Variants in PCDHGA10 observed in about 807,000 individuals in gnomAD.
PCDHGA10 encodes protocadherin gamma-A10.
A neutral mutation model predicts 59.5 loss-of-function variants in PCDHGA10; 42 were observed. The observed-to-expected ratio is 0.71, with a 90% CI of 0.55 to 0.91. The LOEUF is 0.91. PCDHGA10 is among the 40% of genes least tolerant of loss of function. The pLI is 0.00. For synonymous variants in PCDHGA10, 511 were observed against 517.2 expected (o/e 0.99, Z 0.16); for missense variants, 1,111 against 1,198.2 (o/e 0.93, Z 1.07).
intron 1 of PCDHGA10, chr5:141,440,130 A>G (rs1222064545): frequency 6.6e-6 from 1 of 152,282 alleles, no homozygotes; most frequent in African/African-American, 2.4e-5. Context: ...TGAATGGATC[A>G]GGAGCAGATA....
At chr5:141,502,978 G>T (rs1004984942) in intron 2 of PCDHGA10, among the ~76,000 whole-genome samples, 1 of 150,096 alleles carries the variant, frequency 6.7e-6, no homozygotes, top group Non-Finnish European at 1.5e-5. Context: ...CAAGTAGCTG[G>T]GATTACAGGC....
At chr5:141,442,089 C>A in intron 1 of PCDHGA10, 1 of 170,684 alleles carries the variant, frequency 5.9e-6, no homozygotes, top group South Asian at 1.1e-4. Context: ...CTCGCTACCG[C>A]CACGTCACCA....
At position 141,431,215 on chromosome 5, in the gene PCDHGA10, C is replaced by G. The variant is rs1225114172; in HGVS notation, c.2436+15604C>G. 1 of 1,614,184 alleles carries G rather than the reference C, an allele frequency of 6.2e-7. No individual in the cohort carries two copies. Among genetic ancestry groups the G allele is most frequent in the Admixed American group, 1.7e-5 (1 of 60,032 alleles). On this transcript the variant is annotated intron_variant, in intron 1 of 3. Coordinates refer to ENST00000398610, the MANE Select transcript of PCDHGA10 (RefSeq NM_018913.3). This position sits in a 1 kb window ranked among gnomAD's most constrained non-coding sequence, Gnocchi z 4.8. ...AAAATGCAGCCACTGAGATGCGGTTCCCTCTACCCCACGCCTGGGATCCGG... is the reference window on the plus strand; with the variant it reads ...AAAATGCAGCCACTGAGATGCGGTTGCCTCTACCCCACGCCTGGGATCCGG...
Position 141,477,849 on chromosome 5 carries a change from A to G in PCDHGA10, c.2437-16958A>G. ...CCTCGGCCAGGTGGGAGCTCGGTGGAGATGCTGCCTCGAGGTACCTCAGCT... is the reference window on the plus strand; with the variant it reads ...CCTCGGCCAGGTGGGAGCTCGGTGGGGATGCTGCCTCGAGGTACCTCAGCT... On this transcript the variant is annotated intron_variant, in intron 1 of 3. Transcript: ENST00000398610. This position sits in a 1 kb window ranked among gnomAD's most constrained non-coding sequence, Gnocchi z 4.9. The G allele has an allele frequency of 6.8e-6, 11 of 1,612,812 alleles. No individual in the cohort carries two copies. Among genetic ancestry groups the G allele is most frequent in the Non-Finnish European group, 8.5e-6 (10 of 1,179,548 alleles).
chr5:141,438,337 T>C (rs935624931), intron 1 of PCDHGA10, among the ~76,000 whole-genome samples: 25 of 151,926 alleles, frequency 1.6e-4, no homozygotes, highest in Non-Finnish European at 1.9e-4. Context: ...ACATGTCATA[T>C]AAGGATCTAC....
At chr5:141,422,747 C>T (rs1381295469) in intron 1 of PCDHGA10, 2 of 1,611,224 alleles carry the variant, frequency 1.2e-6, no homozygotes, top group Non-Finnish European at 1.7e-6. Context: ...TCCTATGTCT[C>T]TATTAACTCC....
chr5:141,466,686 T>G (rs112499949), intron 1 of PCDHGA10, among the ~76,000 whole-genome samples: 2 of 152,352 alleles, frequency 1.3e-5, no homozygotes, highest in African/African-American at 4.8e-5. Flanking sequence ...CCACTCAAGC[T>G]TCATCATAAA....
At chr5:141,467,005 G>A (rs1365805332) in intron 1 of PCDHGA10, among the ~76,000 whole-genome samples, 3 of 150,724 alleles carry the variant, frequency 2.0e-5, no homozygotes, top group Non-Finnish European at 4.4e-5. Flanking sequence ...TTTTTGCAAT[G>A]CAATTTTTTT....
At chr5:141,440,763 T>A (rs2098198978) in intron 1 of PCDHGA10, 1 of 152,138 alleles carries the variant, frequency 6.6e-6, no homozygotes, top group Admixed American at 6.6e-5. Flanking sequence ...AGAGCTCCCA[T>A]CCCTTAGTGC....
chr5:141,439,124 C>A (rs550781116), intron 1 of PCDHGA10, among the ~76,000 whole-genome samples: 332 of 150,120 alleles, frequency 2.2e-3, no homozygotes, highest in Non-Finnish European at 3.9e-3. Context: ...ACCCGGGAGA[C>A]AGAGGTTGCA....
At position 141,430,677 on chromosome 5, in the gene PCDHGA10, T is replaced by C. The variant is rs888907330; in HGVS notation, c.2436+15066T>C. On this transcript the variant is annotated intron_variant, in intron 1 of 3. Coordinates refer to ENST00000398610, the MANE Select transcript of PCDHGA10 (RefSeq NM_018913.3). ...AACGGAGGAGCTCTGACTTCCCAAC[T>C]GTCCCATTCTATGGGCGAAGGAACT... 1.2e-5 allele frequency: 15 copies of C among 1,303,020 alleles called. No individual in the cohort carries two copies. In the African/African-American group the frequency reaches 2.1e-4, roughly 18 times the overall value. The allele number at this position is 1,303,020 out of a possible 1,614,324, so 80.7% of individuals were successfully genotyped here. A position where few individuals can be genotyped will look rare whatever the true frequency, so the allele number is the denominator to read the frequency against.
Position 141,444,232 on chromosome 5 carries a change from C to T in PCDHGA10, c.2436+28621C>T, listed in dbSNP as rs1411172798. Among the ~76,000 whole-genome samples the T allele has an allele frequency of 2.5e-5, 3 of 122,350 alleles. No individual in the cohort carries two copies. In the Admixed American group the frequency reaches 3.3e-4, roughly 14 times the overall value. The allele number at this position is 122,350 out of a possible 152,430, so 80.3% of individuals were successfully genotyped here. ...TGTTGCCCAGGCTGGAGTGCAATGG[C>T]ATGCTCTCGGCTCACTGCAACCTCC... is the stretch of plus-strand genomic sequence containing the variant. On this transcript the variant is annotated intron_variant, in intron 1 of 3. Coordinates refer to ENST00000398610, the MANE Select transcript of PCDHGA10 (RefSeq NM_018913.3).
rs752316565 is a variant in PCDHGA10 at position 141,487,235 on chromosome 5, C to T, written c.2437-7572C>T. On this transcript the variant is annotated intron_variant, in intron 1 of 3. Coordinates refer to ENST00000398610, the MANE Select transcript of PCDHGA10 (RefSeq NM_018913.3). This position sits in a 1 kb window ranked among gnomAD's most constrained non-coding sequence, Gnocchi z 5.0. The stretch of plus-strand genomic sequence containing the variant: ...TTCAGCTCCAAGGGAAGGAGAATCT[C>T]GTCTAACCCTCTACTTGGCTGTGTC... The T allele has an allele frequency of 2.5e-6, 4 of 1,614,126 alleles. No individual in the cohort carries two copies. Among genetic ancestry groups the T allele is most frequent in the Non-Finnish European group, 3.4e-6 (4 of 1,179,994 alleles).
At position 141,415,275 on chromosome 5, in the gene PCDHGA10, G is replaced by T; in HGVS notation, c.2100G>T (p.Ala700=). ...ACCTCACTCTGTACCTGGTGGTAGC[G>T]GTGGCCGCGGTCTCCTGCGTCTTCC... ...TSDLTLYLVV[A]VAAVSCVFLA... is the part of the protein sequence containing the mutation. Residue 700 remains alanine, a synonymous_variant, in exon 1 of 4, where the codon GCG becomes GCT. Transcript: ENST00000398610. The T allele has an allele frequency of 3.1e-6, 5 of 1,614,212 alleles. No homozygotes were observed. Among genetic ancestry groups the T allele is most frequent in the Non-Finnish European group, 4.2e-6 (5 of 1,180,038 alleles).
intron 1 of PCDHGA10, chr5:141,478,777 C>T: frequency 6.7e-7 from 1 of 1,488,806 alleles, no homozygotes. Context: ...CATCTGTGGA[C>T]CTAATTCACA....
chr5:141,505,335 A>G, intron 2 of PCDHGA10, 58 bp from the exon 3 acceptor site: 1 of 1,611,086 alleles, frequency 6.2e-7, no homozygotes, highest in Non-Finnish European at 8.5e-7. Flanking sequence ...AGAGGACAGG[A>G]GGGGCATGAG....
intron 1 of PCDHGA10, chr5:141,427,790 C>A: frequency 1.3e-6 from 2 of 1,482,222 alleles, no homozygotes; most frequent in Non-Finnish European, 1.9e-6. Context: ...TGTCGTCCTA[C>A]GTGTCCGTGA....
intron 1 of PCDHGA10, among the ~76,000 whole-genome samples, chr5:141,436,469 G>A (rs376024456): frequency 6.6e-6 from 1 of 152,304 alleles, no homozygotes; most frequent in East Asian, 1.9e-4. Flanking sequence ...ATTTTCAGAT[G>A]TATCATAGAA....
At chr5:141,504,134 A>G (rs73280371) in intron 2 of PCDHGA10, among the ~76,000 whole-genome samples, 139 of 152,168 alleles carry the variant, frequency 9.1e-4, no homozygotes, top group African/African-American at 3.1e-3. Flanking sequence ...TCCCGCCAAC[A>G]CTCCCCTGCA....
Sources: allele counts gnomAD v4.1 joint callset (sites outside exome capture counted in the v4.1 genomes callset), GRCh38; gene constraint gnomAD v4.1.1; non-coding constraint Gnocchi (gnomAD v3.1); transcripts MANE v1.5; gene names NCBI Gene and HGNC (gene_info 2026-07-23, HGNC 2026-07-21).